HSP90AA1: variants seen among roughly 807,000 people sequenced by gnomAD.
HSP90AA1 encodes the protein heat shock protein 90 alpha family class A member 1, also known as heat shock protein HSP 90-alpha.
In HSP90AA1, 18 loss-of-function variants were observed where a neutral mutation model predicts 73.3. That is an observed-to-expected ratio of 0.25 (90% CI 0.17 to 0.36). The LOEUF is 0.36. Among genes scored for constraint, HSP90AA1 ranks in the 10% least tolerant of loss-of-function variants. The pLI is 1.00. For missense variants in HSP90AA1, 704 were observed against 874.2 expected (o/e 0.81, Z 2.45); for synonymous variants, 477 against 296.9 (o/e 1.61, Z -6.24).
chr14:102,108,843 G>T (rs558599980), intron 1 of HSP90AA1, among the ~76,000 whole-genome samples: 3 of 152,044 alleles, frequency 2.0e-5, no homozygotes, highest in Non-Finnish European at 2.9e-5. Flanking sequence ...CCCCTCATTT[G>T]TAACTCTTAT....
At chr14:102,131,159 A>C (rs2049903017) in intron 1 of HSP90AA1, among the ~76,000 whole-genome samples, 1 of 152,184 alleles carries the variant, frequency 6.6e-6, no homozygotes, top group Non-Finnish European at 1.5e-5. Flanking sequence ...CAACATGTGA[A>C]AAACGGAATT....
At chr14:102,137,250 A>AT (rs1274081808) in intron 1 of HSP90AA1, among the ~76,000 whole-genome samples, 4 of 151,216 alleles carry the variant, frequency 2.6e-5, no homozygotes, top group East Asian at 1.9e-4. Context: ...CAAAAAAAAA[A>AT]TTTTTTTTTA....
chr14:102,103,853 A>G (rs2049528505), intron 1 of HSP90AA1, among the ~76,000 whole-genome samples: 1 of 151,848 alleles, frequency 6.6e-6, no homozygotes, highest in African/African-American at 2.4e-5. Context: ...AAAATATAAA[A>G]ATTAGCCAGG....
intron 1 of HSP90AA1, chr14:102,102,126 C>T (rs1170907329): frequency 6.4e-7 from 1 of 1,560,372 alleles, no homozygotes; most frequent in African/African-American, 1.3e-5. Context: ...CCAAACCAAA[C>T]ATAACAGAGA....
chr14:102,081,152 G>A lies in HSP90AA1; in HGVS notation c.*560C>T, dbSNP rs1024355329. ...CTGAGTTATTTTTGAACAGCTTTAC[G>A]ATATGCTTAGGTAGGCTTTTAACTT... On this transcript the variant is annotated 3_prime_UTR_variant, in exon 11 of 11. Transcript: ENST00000216281. The A allele has an allele frequency of 3.5e-5, 8 of 231,726 alleles. No individual in the cohort carries two copies. The highest frequency in any genetic ancestry group is 1.6e-4 in the South Asian group (1 of 6,302). The allele number at this position is 231,726 out of a possible 1,614,324, so 14.4% of individuals were successfully genotyped here. A position where few individuals can be genotyped will look rare whatever the true frequency, so the allele number is the denominator to read the frequency against.
chr14:102,085,067 T>C, intron 4 of HSP90AA1, 69 bp from the exon 5 acceptor site: 1 of 1,610,956 alleles, frequency 6.2e-7, no homozygotes, highest in Non-Finnish European at 8.5e-7. Flanking sequence ...TGCACCACTA[T>C]TTTCAACCTA....
In HSP90AA1 at chr14:102,086,391, C is replaced by T. The variant is rs780682188; in HGVS notation, c.1-13G>A. On this transcript the variant is annotated splice_polypyrimidine_tract_variant and intron_variant, in intron 1 of 10. Transcript: ENST00000216281. ...TTTCCTCAGGCATCTGGAACGACAC[C>T]GCGCCGGTTTAAAACCTTGCAGGAC... 2.5e-6 allele frequency: 4 copies of T among 1,614,014 alleles called. No individual in the cohort carries two copies. The African/African-American group carries it at 4.0e-5, about 16-fold the overall frequency.
chr14:102,114,663 G>C (rs1363542759), intron 1 of HSP90AA1, among the ~76,000 whole-genome samples: 1 of 152,132 alleles, frequency 6.6e-6, no homozygotes, highest in Non-Finnish European at 1.5e-5. Flanking sequence ...CCATTTTCAA[G>C]AGACTACTCT....
intron 1 of HSP90AA1, among the ~76,000 whole-genome samples, chr14:102,136,880 CT>C (rs2050005700): frequency 7.1e-6 from 1 of 140,594 alleles, no homozygotes; most frequent in East Asian, 2.1e-4. Flanking sequence ...AAGAGCGAGA[CT>C]TCTCTTAAAA....
chr14:102,107,921 T>C (rs2049588478), intron 1 of HSP90AA1, among the ~76,000 whole-genome samples: 1 of 149,930 alleles, frequency 6.7e-6, no homozygotes, highest in African/African-American at 2.5e-5. Flanking sequence ...TGTAATTGTA[T>C]ACCCTATCAT....
At chr14:102,101,551 A>G (rs1482449695) in intron 2 of HSP90AA1, among the ~76,000 whole-genome samples, 1 of 152,222 alleles carries the variant, frequency 6.6e-6, no homozygotes, top group Non-Finnish European at 1.5e-5. Flanking sequence ...GCAGCTCACA[A>G]GCCACCTCTT....
intron 1 of HSP90AA1, among the ~76,000 whole-genome samples, chr14:102,136,625 C>T (rs1335701877): frequency 5.3e-5 from 8 of 150,212 alleles, no homozygotes; most frequent in Non-Finnish European, 1.2e-4. Context: ...CGGTGGCTCA[C>T]GCCTATAATC....
chr14:102,116,469 C>T (rs2152623130), intron 1 of HSP90AA1, among the ~76,000 whole-genome samples: 2 of 152,322 alleles, frequency 1.3e-5, no homozygotes, highest in Non-Finnish European at 2.9e-5. Context: ...GCAGGGGCAG[C>T]TGCGGGAGCA....
intron 1 of HSP90AA1, among the ~76,000 whole-genome samples, chr14:102,138,746 T>G (rs2050109148): frequency 6.6e-6 from 1 of 152,218 alleles, no homozygotes; most frequent in African/African-American, 2.4e-5. Flanking sequence ...CCCCCCTCCC[T>G]GGAATTCTAT....
chr14:102,138,805 C>T (rs1595690768), intron 1 of HSP90AA1, among the ~76,000 whole-genome samples: 1 of 152,194 alleles, frequency 6.6e-6, no homozygotes, highest in East Asian at 1.9e-4. Context: ...GTGTAACATG[C>T]CAAGAAACCC....
Position 102,081,629 on chromosome 14 carries a change from A to G in HSP90AA1, c.*83T>C, listed in dbSNP as rs966655171. 1.3e-5 allele frequency: 10 copies of G among 790,108 alleles called. No homozygotes were observed. The highest frequency in any genetic ancestry group is 2.1e-5 in the Non-Finnish European group (9 of 432,376). 48.9% of individuals were successfully genotyped at this position (790,108 alleles called of 1,614,324 possible). On this transcript the variant is annotated 3_prime_UTR_variant, in exon 11 of 11. Coordinates refer to ENST00000216281, the MANE Select transcript of HSP90AA1 (RefSeq NM_005348.4). Reference sequence around the variant, plus strand: ...CCATACAGACTTTTTAATATTAACAAAAATAAAGAAAAACATCCTTGAAAA... The same window carrying G: ...CCATACAGACTTTTTAATATTAACAGAAATAAAGAAAAACATCCTTGAAAA...
chr14:102,108,324 T>G (rs529087803), intron 1 of HSP90AA1, among the ~76,000 whole-genome samples: 1 of 148,766 alleles, frequency 6.7e-6, no homozygotes, highest in East Asian at 2.0e-4. Flanking sequence ...GGACTTGGAC[T>G]CCTGGACTCA....
At chr14:102,087,947 T>TCC (rs2049288306), upstream of HSP90AA1, among the ~76,000 whole-genome samples, 1 of 123,964 alleles carries the variant, frequency 8.1e-6, no homozygotes, top group Non-Finnish European at 1.7e-5. Context: ...TTTTTTTTTT[T>TCC]TTTCTTTTTT....
chr14:102,138,509 C>T lies in HSP90AA1; in HGVS notation c.155+741G>A, dbSNP rs200115640. On this transcript the variant is annotated intron_variant, in intron 1 of 11. Coordinates refer to the HSP90AA1 transcript ENST00000334701. ...AAGAAGTACTTCAGTGCTTTTTTTT[C>T]TTTTTTTTTTCCAACACTACAAAGG... Among the ~76,000 whole-genome samples, 6 of 151,120 alleles carry T rather than the reference C, an allele frequency of 4.0e-5. No homozygotes were observed. In the East Asian group the frequency reaches 5.8e-4, roughly 15 times the overall value.
Sources: allele counts gnomAD v4.1 joint callset (sites outside exome capture counted in the v4.1 genomes callset), GRCh38; gene constraint gnomAD v4.1.1; transcripts MANE v1.5; gene names NCBI Gene and HGNC (gene_info 2026-07-23, HGNC 2026-07-21).